IKZF3: variants seen among roughly 807,000 people sequenced by gnomAD.
IKZF3 encodes the protein IKAROS family zinc finger 3, also known as zinc finger protein Aiolos.
IKZF3 carries 10 observed loss-of-function variants against 49.0 expected under a neutral mutation model. The ratio of observed to expected loss-of-function variants is 0.20; its 90% CI spans 0.13 to 0.35. The LOEUF is 0.35. IKZF3 is among the 10% of genes least tolerant of loss of function. The pLI is 1.00. For synonymous variants in IKZF3, 209 were observed against 228.2 expected (o/e 0.92, Z 0.76); for missense variants, 498 against 664.8 (o/e 0.75, Z 2.76).
intron 5 of IKZF3, among the ~76,000 whole-genome samples, chr17:39,788,828 G>C (rs1267767816): frequency 6.6e-6 from 1 of 152,334 alleles, no homozygotes; most frequent in Admixed American, 6.5e-5. Flanking sequence ...GAAACTGATG[G>C]CCTTTTCAGA....
intron 1 of IKZF3, among the ~76,000 whole-genome samples, chr17:39,838,012 C>T (rs1448146750): frequency 1.3e-5 from 2 of 152,088 alleles, no homozygotes; most frequent in Non-Finnish European, 2.9e-5. Flanking sequence ...TAATGTGTTC[C>T]TTTTCTCTAA....
intron 1 of IKZF3, among the ~76,000 whole-genome samples, chr17:39,850,337 TA>T (rs1207617538): frequency 7.3e-6 from 1 of 137,842 alleles, no homozygotes; most frequent in East Asian, 2.0e-4. Flanking sequence ...TATAGCATAT[TA>T]TACATGTACA....
At chr17:39,770,012 C>T (rs1016458199) in intron 7 of IKZF3, among the ~76,000 whole-genome samples, 5 of 152,170 alleles carry the variant, frequency 3.3e-5, no homozygotes, top group African/African-American at 1.2e-4. Context: ...ATGGGGCAGC[C>T]TCAGATGTTC....
At chr17:39,861,541 C>T (rs1428256744) in intron 1 of IKZF3, among the ~76,000 whole-genome samples, 2 of 152,164 alleles carry the variant, frequency 1.3e-5, no homozygotes, top group Non-Finnish European at 2.9e-5. Context: ...CTTTCTGTGG[C>T]TTTTGTTTCT....
rs578174081 is a variant in IKZF3 at position 39,798,668 on chromosome 17, G to A, written c.164-5735C>T. On this transcript the variant is annotated intron_variant, in intron 3 of 7. Transcript: ENST00000346872. ...CTACAGGCGCCCACCACCATACCCA[G>A]CTAATTTTTTGTATTTTTAGTAGAG... 2.5e-3 allele frequency among the ~76,000 whole-genome samples: 380 copies of A among 152,208 alleles called. 2 individuals are homozygous for A. Among genetic ancestry groups the A allele is most frequent in the Admixed American group, 4.1e-3 (63 of 15,278 alleles).
chr17:39,791,716 T>C (rs1298102446), intron 4 of IKZF3, 133 bp from the exon 5 acceptor site: 1 of 886,208 alleles, frequency 1.1e-6, no homozygotes, highest in Non-Finnish European at 1.7e-6. Flanking sequence ...GGGAGCTGCA[T>C]TTCAAGGCAA....
At chr17:39,795,827 T>C (rs1398450703) in intron 3 of IKZF3, among the ~76,000 whole-genome samples, 1 of 150,472 alleles carries the variant, frequency 6.6e-6, no homozygotes, top group African/African-American at 2.4e-5. Flanking sequence ...CCAAGGCAGG[T>C]GGATCACTTG....
At chr17:39,809,371 AATGAGAAAGGTCAC>A (rs1412966713) in intron 3 of IKZF3, among the ~76,000 whole-genome samples, 1 of 152,158 alleles carries the variant, frequency 6.6e-6, no homozygotes, top group Non-Finnish European at 1.5e-5. Flanking sequence ...TACCAGTCAA[AATGAGAAAGGTCAC>A]ATGTTAAACC....
In IKZF3 at chr17:39,757,897, T is replaced by C. The variant is rs541762307; in HGVS notation, c.*7893A>G. The stretch of plus-strand genomic sequence containing the variant: ...GGAGTAAACTTCACAGTTCCACACA[T>C]GGCTGGGCTCCAGGTAGAACTCCAT... On this transcript the variant is annotated 3_prime_UTR_variant, in exon 8 of 8. Coordinates refer to ENST00000346872, the MANE Select transcript of IKZF3 (RefSeq NM_012481.5). The C allele has an allele frequency of 1.3e-5, 2 of 152,224 alleles. No homozygotes were observed. The highest frequency in any genetic ancestry group is 2.9e-5 in the Non-Finnish European group (2 of 68,038). 9.4% of individuals were successfully genotyped at this position (152,224 alleles called of 1,614,324 possible). A position where few individuals can be genotyped will look rare whatever the true frequency, so the allele number is the denominator to read the frequency against.
chr17:39,850,102 A>ATATATGTATATATAC (rs1262889508), intron 1 of IKZF3, among the ~76,000 whole-genome samples: 1 of 143,230 alleles, frequency 7.0e-6, no homozygotes, highest in East Asian at 2.0e-4. Flanking sequence ...ATAGCATATT[A>ATATATGTATATATAC]TATATGTATA....
At chr17:39,840,721 A>G (rs376055504) in intron 1 of IKZF3, among the ~76,000 whole-genome samples, 4 of 152,376 alleles carry the variant, frequency 2.6e-5, no homozygotes, top group East Asian at 3.9e-4. Flanking sequence ...AAATACACAT[A>G]GTTTAAAAAT....
intron 7 of IKZF3, among the ~76,000 whole-genome samples, chr17:39,775,650 C>T (rs560474807): frequency 3.9e-5 from 6 of 152,142 alleles, no homozygotes; most frequent in East Asian, 1.9e-4. Context: ...CACAGCTGGG[C>T]GCAGTGGCTC....
chr17:39,857,963 A>T lies in IKZF3; in HGVS notation c.7+6157T>A, dbSNP rs200863421. Among the ~76,000 whole-genome samples the T allele has an allele frequency of 2.8e-4, 35 of 125,448 alleles. No individual in the cohort carries two copies. The East Asian group carries it at 5.4e-3, about 19-fold the overall frequency. The allele number at this position is 125,448 out of a possible 152,430, so 82.3% of individuals were successfully genotyped here. ...GTAGAGAGACCTCATCTCAAAAATT[A>T]AAAAAAAAAAAAAAGAGAGAGAGAG... On this transcript the variant is annotated intron_variant, in intron 1 of 7. Coordinates refer to ENST00000346872, the MANE Select transcript of IKZF3 (RefSeq NM_012481.5).
intron 3 of IKZF3, among the ~76,000 whole-genome samples, chr17:39,805,155 T>C (rs2061406365): frequency 6.6e-6 from 1 of 152,218 alleles, no homozygotes; most frequent in Non-Finnish European, 1.5e-5. Context: ...ATTATGCTGC[T>C]TCTATCAACA....
intron 1 of IKZF3, among the ~76,000 whole-genome samples, chr17:39,846,539 G>A (rs77594619): frequency 0.027 from 3,941 of 143,754 alleles, 191 homozygotes; most frequent in African/African-American, 0.097. Context: ...GCTGTAAAAC[G>A]AAAGGGGGCA....
chr17:39,811,048 TG>T (rs962041976), intron 3 of IKZF3, among the ~76,000 whole-genome samples: 6 of 152,044 alleles, frequency 3.9e-5, no homozygotes, highest in Admixed American at 3.3e-4. Flanking sequence ...AAGACCAGCC[TG>T]GGCAACACAG....
chr17:39,770,412 C>T (rs2060408749), intron 7 of IKZF3, among the ~76,000 whole-genome samples: 1 of 152,152 alleles, frequency 6.6e-6, no homozygotes, highest in African/African-American at 2.4e-5. Context: ...CCATTCCCTA[C>T]CTGTGGTTCT....
intron 3 of IKZF3, among the ~76,000 whole-genome samples, chr17:39,815,548 T>C (rs2061660532): frequency 6.6e-6 from 1 of 152,222 alleles, no homozygotes; most frequent in South Asian, 2.1e-4. Context: ...TTTTATAAAA[T>C]TGTTTTAACT....
chr17:39,831,749 G>C (rs988779921), intron 2 of IKZF3, among the ~76,000 whole-genome samples: 11 of 152,128 alleles, frequency 7.2e-5, no homozygotes, highest in Admixed American at 7.2e-4. Context: ...AAAAAAGTTT[G>C]CAGACCACTG....
Sources: allele counts gnomAD v4.1 joint callset (sites outside exome capture counted in the v4.1 genomes callset), GRCh38; gene constraint gnomAD v4.1.1; transcripts MANE v1.5; gene names NCBI Gene and HGNC (gene_info 2026-07-23, HGNC 2026-07-21).